The following ARHGEF11 variants were observed in gnomAD, a reference collection of about 807,000 sequenced individuals.
The protein encoded by ARHGEF11 is Rho guanine exchange factor (GEF) 11.
In ARHGEF11, 55 loss-of-function variants were observed where a neutral mutation model predicts 193.7. That is an observed-to-expected ratio of 0.28 (90% confidence interval 0.23 to 0.36). The LOEUF is 0.36. Among genes scored for constraint, ARHGEF11 ranks in the 10% least tolerant of loss-of-function variants. ARHGEF11 has a pLI of 1.00. For synonymous variants in ARHGEF11, 693 were observed against 768.0 expected (o/e 0.90, Z 1.62); for missense variants, 1,723 against 2,005.6 (o/e 0.86, Z 2.69).
Position 156,978,306 on chromosome 1 carries a change from T to C in ARHGEF11, c.408A>G (p.Pro136=), listed in dbSNP as rs374871535. The C allele has an allele frequency of 9.2e-5, 148 of 1,613,918 alleles. No individual in the cohort carries two copies. The highest frequency in any genetic ancestry group is 1.2e-4 in the Non-Finnish European group (137 of 1,179,998). ...SMGISGLQQD[P]SPAGAPRITS... ...TGATTCGGGGAGCTCCTGCTGGGGA[T>C]GGGTCCTGCTGGAGCCCAGAGATGC... The change falls in exon 6 of 41, where the codon CCA becomes CCG. Residue 136 remains proline, a synonymous_variant. Transcript: ENST00000368194.
chr1:156,941,309 C>A, intron 35 of ARHGEF11, 63 bp downstream of exon 35: 13 of 1,557,074 alleles, frequency 8.3e-6, no homozygotes, highest in South Asian at 3.3e-5. Flanking sequence ...CATACTCACA[C>A]CCAACCTGTG....
At chr1:156,971,962 C>T (rs535193786) in intron 7 of ARHGEF11, 146 bp from the exon 8 acceptor site, 41 of 946,782 alleles carry the variant, frequency 4.3e-5, no homozygotes, top group East Asian at 4.0e-4. Flanking sequence ...AGTAGATGCA[C>T]GGTATTTCAA....
At position 156,937,366 on chromosome 1, in the gene ARHGEF11, C is replaced by G. The variant is rs1162657232; in HGVS notation, c.4323G>C (p.Gln1441His). 6.2e-7 allele frequency: 1 copy of G among 1,611,364 alleles called. No homozygotes were observed. Among genetic ancestry groups the G allele is most frequent in the South Asian group, 1.1e-5 (1 of 90,472 alleles). ...GGCGTCTTGGATCATCGTTGCCTCC[C>G]TGCAGCTGAGGCTGAGGCTCTGTCT... is the stretch of plus-strand genomic sequence containing the variant. Reference protein sequence around the residue: ...AGQTEPQPQLQGGNDDPRRPS... With the variant: ...AGQTEPQPQLHGGNDDPRRPS... The change falls in exon 39 of 41, where the codon CAG (glutamine) becomes CAC (histidine). Residue 1441 changes from glutamine to histidine, a missense_variant. By Grantham distance (24) the Gln-to-His change is conservative. Around this residue, in one of 5 missense-constraint regions of ARHGEF11, gnomAD observed 360 missense variants for 344.4 expected, o/e 1.05. Transcript: ENST00000368194.
chr1:156,945,229 C>G, intron 29 of ARHGEF11, 32 bp from the exon 30 acceptor site: 3 of 1,600,764 alleles, frequency 1.9e-6, no homozygotes, highest in East Asian at 2.2e-5. Flanking sequence ...ATGGTTGGGG[C>G]TCCTGCCTGA....
At chr1:157,013,340 G>A (rs1668804423) in intron 1 of ARHGEF11, among the ~76,000 whole-genome samples, 2 of 148,892 alleles carry the variant, frequency 1.3e-5, no homozygotes, top group South Asian at 4.3e-4. Flanking sequence ...TTCAAAGGCA[G>A]TTTAGGTTTT....
intron 1 of ARHGEF11, among the ~76,000 whole-genome samples, chr1:157,025,450 T>A (rs969034361): frequency 1.3e-5 from 2 of 152,194 alleles, no homozygotes; most frequent in African/African-American, 4.8e-5. Flanking sequence ...AAAAAGGACC[T>A]TGGATTCCAG....
intron 1 of ARHGEF11, among the ~76,000 whole-genome samples, chr1:157,029,521 C>T (rs568094526): frequency 3.4e-5 from 5 of 148,378 alleles, no homozygotes; most frequent in African/African-American, 1.1e-4. Flanking sequence ...ATGCACCTGC[C>T]TCGGCCTCCC....
rs888183554 is a variant in ARHGEF11 at position 156,942,784 on chromosome 1, T to C, written c.3236-4A>G. On this transcript the variant is annotated splice_polypyrimidine_tract_variant and splice_region_variant and intron_variant, in intron 32 of 40. Coordinates refer to ENST00000368194, the MANE Select transcript of ARHGEF11 (RefSeq NM_198236.3). ...ATGATGAAGAAGGCCCGTTTATCTG[T>C]GTGAGGAAAGGAAGGTAGAAGGGTC... The C allele has an allele frequency of 1.2e-6, 2 of 1,613,678 alleles. No homozygotes were observed. Among genetic ancestry groups the C allele is most frequent in the Non-Finnish European group, 1.7e-6 (2 of 1,179,640 alleles).
chr1:156,944,505 G>GCCA (rs946001435), intron 30 of ARHGEF11, 72 bp from the exon 31 acceptor site: 33 of 1,491,280 alleles, frequency 2.2e-5, no homozygotes, highest in Non-Finnish European at 3.0e-5. Context: ...CCTACTGTGT[G>GCCA]CCAGACATTG....
In ARHGEF11 at chr1:156,939,537, AT is replaced by A; in HGVS notation, c.4096+10del. The A allele has an allele frequency of 6.2e-7, 1 of 1,608,588 alleles. No individual in the cohort carries two copies. On this transcript the variant is annotated intron_variant, in intron 37 of 40. Transcript: ENST00000368194. ...GCTTGTCTCCCCACTGGACACTCCC[AT>A]TTATTTTACCTTTTCTCACAACTTT...
intron 3 of ARHGEF11, among the ~76,000 whole-genome samples, chr1:156,983,654 T>C (rs1237816799): frequency 6.6e-6 from 1 of 152,244 alleles, no homozygotes; most frequent in Non-Finnish European, 1.5e-5. Context: ...TTGGCTATGA[T>C]GCCCACCCAC....
intron 1 of ARHGEF11, among the ~76,000 whole-genome samples, chr1:156,994,600 C>T (rs908728244): frequency 2.6e-5 from 4 of 152,128 alleles, no homozygotes; most frequent in African/African-American, 9.7e-5. Context: ...TCAGAGCAGA[C>T]AACTTGGCAG....
In ARHGEF11 at chr1:156,963,586, A is replaced by G; in HGVS notation, c.972T>C (p.Asp324=). The change falls in exon 12 of 41, where the codon GAT becomes GAC. Residue 324 remains aspartate (D), a synonymous_variant. Coordinates refer to ENST00000368194, the MANE Select transcript of ARHGEF11 (RefSeq NM_198236.3). ...CAATAATTAAAGGCTTTGGGCTTTGATCTACACCCTGGGGGAGAGAGTCAA... is the reference window on the plus strand; with the variant it reads ...CAATAATTAAAGGCTTTGGGCTTTGGTCTACACCCTGGGGGAGAGAGTCAA... ...AVPSTGDQGV[D]QSPKPLIIGP... 1 of 1,614,098 alleles carries G rather than the reference A, an allele frequency of 6.2e-7. No individual in the cohort carries two copies. The highest frequency in any genetic ancestry group is 8.5e-7 in the Non-Finnish European group (1 of 1,180,014).
intron 32 of ARHGEF11, among the ~76,000 whole-genome samples, chr1:156,943,543 C>T (rs188767153): frequency 6.6e-6 from 1 of 152,338 alleles, no homozygotes; most frequent in African/African-American, 2.4e-5. Context: ...AGCTCTGTAC[C>T]GTGGGTACTA....
At chr1:157,038,181 G>A (rs1226459743) in intron 1 of ARHGEF11, among the ~76,000 whole-genome samples, 1 of 152,078 alleles carries the variant, frequency 6.6e-6, no homozygotes, top group Non-Finnish European at 1.5e-5. Context: ...TCACCAGGAG[G>A]GCTGCTAGAT....
rs772186878 is a variant in ARHGEF11, at chr1:156,959,027, G to A, written c.1379+19C>T. The stretch of plus-strand genomic sequence containing the variant: ...GAGGTGAACGAGGAGAGAGGTGGGA[G>A]GTCAGCTCCTGGGCCAACCTGTAGT... On this transcript the variant is annotated intron_variant, in intron 16 of 40. Coordinates refer to ENST00000368194, the MANE Select transcript of ARHGEF11 (RefSeq NM_198236.3). The A allele has an allele frequency of 6.2e-7, 1 of 1,613,794 alleles. No homozygotes were observed. The highest frequency in any genetic ancestry group is 8.5e-7 in the Non-Finnish European group (1 of 1,179,630).
chr1:156,976,955 G>A (rs1187793644), intron 7 of ARHGEF11, 28 bp downstream of exon 7: 1 of 1,594,774 alleles, frequency 6.3e-7, no homozygotes, highest in African/African-American at 1.3e-5. Flanking sequence ...TCAGGCAATG[G>A]CCAGTCTACC....
rs772853256 is a variant in ARHGEF11, at chr1:156,968,098, C to T, written c.852G>A (p.Leu284=). The part of the protein sequence containing the change: ...SESLMNRNSV[L]SDPGLDSPRT... The stretch of plus-strand genomic sequence containing the variant: ...GAGGACTGTCTAGCCCAGGGTCTGA[C>T]AGTACCGAGTTCCGATTCATCAATG... The change falls in exon 11 of 41, where the codon CTG becomes CTA. Residue 284 remains leucine (L), a synonymous_variant. Transcript: ENST00000368194. 6.2e-7 allele frequency: 1 copy of T among 1,612,984 alleles called. No individual in the cohort carries two copies. The highest frequency in any genetic ancestry group is 1.7e-5 in the Admixed American group (1 of 59,906).
At position 156,991,635 on chromosome 1, in the gene ARHGEF11, G is replaced by A. The variant is rs185413445; in HGVS notation, c.33-5462C>T. Among the ~76,000 whole-genome samples the A allele has an allele frequency of 5.5e-5, 8 of 145,854 alleles. No individual in the cohort carries two copies. The East Asian group carries it at 1.5e-3, about 27-fold the overall frequency. The stretch of plus-strand genomic sequence containing the variant: ...GTCCTTGGTCTTAATCTGTTTTTAT[G>A]TTATCAATTTGAGATATATTTATGT... On this transcript the variant is annotated intron_variant, in intron 1 of 40. Coordinates refer to ENST00000368194, the MANE Select transcript of ARHGEF11 (RefSeq NM_198236.3).
Sources: allele counts gnomAD v4.1 joint callset (sites outside exome capture counted in the v4.1 genomes callset), GRCh38; gene constraint gnomAD v4.1.1; regional missense constraint gnomAD v4.1.1; transcripts MANE v1.5; gene names NCBI Gene and HGNC (gene_info 2026-07-23, HGNC 2026-07-21).